UST: variants seen among roughly 807,000 people sequenced by gnomAD.
UST encodes chondroitin sulfate 2-O-sulfotransferase.
Under a neutral mutation model 45.6 loss-of-function variants are expected in UST, and 21 were observed. That is an observed-to-expected ratio of 0.46 (90% CI 0.33 to 0.66). The LOEUF (loss-of-function observed/expected upper bound fraction) is 0.66. Ranked by LOEUF, UST falls within the 30% of genes least tolerant of loss-of-function variation. UST has a pLI of 0.02. For missense variants in UST, 463 were observed against 512.4 expected (o/e 0.90, Z 0.93); for synonymous variants, 215 against 200.6 (o/e 1.07, Z -0.61).
chr6:148,896,108 A>G (rs59690023), intron 2 of UST, among the ~76,000 whole-genome samples: 57 of 152,362 alleles, frequency 3.7e-4, no homozygotes, highest in African/African-American at 1.3e-3. Flanking sequence ...GGCTTGGTTA[A>G]GCATTGGTGA....
intron 1 of UST, among the ~76,000 whole-genome samples, chr6:148,869,771 T>C (rs1255485694): frequency 6.6e-6 from 1 of 152,180 alleles, no homozygotes; most frequent in Non-Finnish European, 1.5e-5. Flanking sequence ...TTCTTACCCG[T>C]TTCCCTAAAG....
chr6:148,919,327 C>T (rs539996214), intron 2 of UST, among the ~76,000 whole-genome samples: 1 of 152,328 alleles, frequency 6.6e-6, no homozygotes, highest in East Asian at 1.9e-4. Flanking sequence ...GCTCCCACTA[C>T]CTGCTCCAGC....
intron 1 of UST, among the ~76,000 whole-genome samples, chr6:148,866,693 A>G (rs564797744): frequency 3.9e-5 from 6 of 152,128 alleles, no homozygotes; most frequent in Non-Finnish European, 7.4e-5. Context: ...TCCAGCTTTC[A>G]TCAGCACAAT....
chr6:148,920,409 C>T (rs957511742), intron 2 of UST, among the ~76,000 whole-genome samples: 2 of 152,184 alleles, frequency 1.3e-5, no homozygotes, highest in African/African-American at 4.8e-5. Flanking sequence ...AATGTGGTCT[C>T]TCTGGAGGCC....
intron 5 of UST, among the ~76,000 whole-genome samples, chr6:148,977,484 G>T (rs1326862125): frequency 2.6e-5 from 4 of 151,986 alleles, no homozygotes; most frequent in African/African-American, 9.7e-5. Context: ...GGGCGTGGTG[G>T]CTCACGCCTG....
At position 148,807,861 on chromosome 6, in the gene UST, G is replaced by A. The variant is rs547172840; in HGVS notation, c.247+60184G>A. Among the ~76,000 whole-genome samples, 180 of 152,258 alleles carry A rather than the reference G, an allele frequency of 1.2e-3. 1 individual carries two copies. The highest frequency in any genetic ancestry group is 4.2e-3 in the African/African-American group (174 of 41,538). ...GGTGTGGATATCTATCGATGCCGTG[G>A]TTTAAAGAAGGGAATGGGAATAAGC... is the stretch of plus-strand genomic sequence containing the variant. On this transcript the variant is annotated intron_variant, in intron 1 of 7. Transcript: ENST00000367463.
intron 5 of UST, among the ~76,000 whole-genome samples, chr6:148,971,161 A>G (rs1288946645): frequency 6.6e-6 from 1 of 152,164 alleles, no homozygotes; most frequent in African/African-American, 2.4e-5. Context: ...GCATTCTACT[A>G]TGCAGTGGCA....
intron 1 of UST, among the ~76,000 whole-genome samples, chr6:148,800,225 T>G (rs1777030579): frequency 6.6e-6 from 1 of 152,192 alleles, no homozygotes; most frequent in African/African-American, 2.4e-5. Context: ...TTTAAATCTG[T>G]AAGTCTGGTT....
chr6:148,846,020 C>G (rs11155601), intron 1 of UST, among the ~76,000 whole-genome samples: 1 of 126,784 alleles, frequency 7.9e-6, no homozygotes, highest in Non-Finnish European at 1.8e-5. Flanking sequence ...TAGTTCAACC[C>G]TTGTGGAAGT....
At chr6:148,913,204 G>A (rs991666958) in intron 2 of UST, among the ~76,000 whole-genome samples, 1 of 152,110 alleles carries the variant, frequency 6.6e-6, no homozygotes, top group African/African-American at 2.4e-5. Flanking sequence ...AATAGCTTAA[G>A]CAAGGAAAAT....
chr6:149,049,921 T>TCACACACACACACA (rs1392198421), intron 7 of UST, among the ~76,000 whole-genome samples: 2 of 101,446 alleles, frequency 2.0e-5, no homozygotes, highest in African/African-American at 8.6e-5. Context: ...TCTCTCTCTC[T>TCACACACACACACA]CTCTCTCTCT....
intron 7 of UST, among the ~76,000 whole-genome samples, chr6:149,073,081 G>A (rs988653453): frequency 2.0e-5 from 3 of 152,104 alleles, no homozygotes; most frequent in Non-Finnish European, 2.9e-5. Flanking sequence ...TTAAGCATTA[G>A]TATAAAATTA....
rs141739667 is a variant in UST, at chr6:148,907,018, T to C, written c.291+19989T>C. ...GTTGCCATTTCAAGTTATTCTAAAC[T>C]GGTTAACCACAGATGGGATTAAAGC... is the stretch of plus-strand genomic sequence containing the variant. On this transcript the variant is annotated intron_variant, in intron 2 of 7. Transcript: ENST00000367463. Among the ~76,000 whole-genome samples, 899 of 152,332 alleles carry C rather than the reference T, an allele frequency of 5.9e-3. 9 individuals carry two copies. The highest frequency in any genetic ancestry group is 0.02 in the African/African-American group (842 of 41,580).
intron 2 of UST, among the ~76,000 whole-genome samples, chr6:148,935,940 A>G (rs1251629579): frequency 6.6e-6 from 1 of 152,194 alleles, no homozygotes; most frequent in African/African-American, 2.4e-5. Flanking sequence ...ACTGGTTGTG[A>G]TCGCCGACTG....
intron 5 of UST, among the ~76,000 whole-genome samples, chr6:148,977,523 G>A (rs559652593): frequency 6.3e-4 from 95 of 151,986 alleles, no homozygotes; most frequent in African/African-American, 1.7e-3. Flanking sequence ...AGGCCAGGGC[G>A]GGCGGATCAT....
chr6:149,024,005 G>A (rs1238797245), intron 7 of UST, among the ~76,000 whole-genome samples: 3 of 152,170 alleles, frequency 2.0e-5, no homozygotes, highest in African/African-American at 7.2e-5. Context: ...TTCCCTCAGA[G>A]TTTGGCATAG....
At chr6:148,891,612 G>A (rs1031455262) in intron 2 of UST, among the ~76,000 whole-genome samples, 1 of 142,654 alleles carries the variant, frequency 7.0e-6, no homozygotes, top group Non-Finnish European at 1.5e-5. Context: ...TCCAGCCCAG[G>A]GCTGTGTATA....
intron 7 of UST, among the ~76,000 whole-genome samples, chr6:149,036,688 G>A (rs1582970501): frequency 6.6e-6 from 1 of 152,198 alleles, no homozygotes; most frequent in African/African-American, 2.4e-5. Context: ...TCAAACTACC[G>A]TAGCACTGCC....
At chr6:148,750,743 A>C (rs1328757853) in intron 1 of UST, among the ~76,000 whole-genome samples, 1 of 152,194 alleles carries the variant, frequency 6.6e-6, no homozygotes, top group Non-Finnish European at 1.5e-5. Flanking sequence ...GAAGGGAAAT[A>C]ATTCAAGCAG....
Sources: gnomAD v4.1 joint callset for allele counts (sites outside exome capture counted in the v4.1 genomes callset) on GRCh38, gnomAD v4.1.1 for gene constraint, MANE v1.5 for transcripts, NCBI Gene and HGNC (gene_info 2026-07-23, HGNC 2026-07-21) for gene names.